RIPOR1: variants seen among roughly 807,000 people sequenced by gnomAD.
The protein encoded by RIPOR1 is rho family-interacting cell polarization regulator 1.
A neutral mutation model predicts 116.5 loss-of-function variants in RIPOR1; 58 were observed. The observed-to-expected ratio is 0.50, with a 90% CI of 0.40 to 0.62. The LOEUF (loss-of-function observed/expected upper bound fraction) is 0.62, where lower values mean the gene tolerates loss of function less well. Ranked by LOEUF, RIPOR1 falls within the 20% of genes least tolerant of loss-of-function variation. RIPOR1 has a pLI of 0.00. For missense variants in RIPOR1, 1,372 were observed against 1,586.2 expected, an observed-to-expected ratio of 0.86 and a Z score of 2.29; for synonymous variants, 605 against 650.0, an observed-to-expected ratio of 0.93 and a Z score of 1.05.
Position 67,544,842 on chromosome 16 carries a change from G to C in RIPOR1, c.2869+12G>C, listed in dbSNP as rs774178599. The stretch of plus-strand genomic sequence containing the variant: ...CTCTGCCCAGGAAGGTAAAGGCCCT[G>C]GGGGTTCGGGCTCTGCCATCTGCCT... On this transcript the variant is annotated intron_variant, in intron 16 of 21. Transcript: ENST00000042381. This position sits in a 1 kb window ranked among gnomAD's most constrained non-coding sequence, Gnocchi z 5.1. 6.3e-7 allele frequency: 1 copy of C among 1,590,052 alleles called. No homozygotes were observed. Among genetic ancestry groups the C allele is most frequent in the Non-Finnish European group, 8.6e-7 (1 of 1,164,100 alleles).
intron 1 of RIPOR1, among the ~76,000 whole-genome samples, chr16:67,518,844 AG>A (rs1363697913): frequency 1.3e-5 from 2 of 152,194 alleles, no homozygotes; most frequent in African/African-American, 4.8e-5. Context: ...AGGGCAGAGA[AG>A]GGGGCTGCAC....
chr16:67,534,772 C>T (rs1050865563), intron 1 of RIPOR1, among the ~76,000 whole-genome samples: 2 of 149,986 alleles, frequency 1.3e-5, no homozygotes, highest in Admixed American at 6.6e-5. Flanking sequence ...ATTCTTTTTG[C>T]TATGTGGTAA....
At position 67,530,465 on chromosome 16, in the gene RIPOR1, C is replaced by T. The variant is rs573518415; in HGVS notation, c.-24+1551C>T. ...CAGTTGCCATGGAGACAAGGACAGG[C>T]TCAGAAGGGACCCCCTTCTCCCTTG... On this transcript the variant is annotated intron_variant, in intron 1 of 21. Coordinates refer to ENST00000042381, the MANE Select transcript of RIPOR1 (RefSeq NM_024519.4). This position sits in a 1 kb window ranked among gnomAD's most constrained non-coding sequence, Gnocchi z 4.5. Among the ~76,000 whole-genome samples the T allele has an allele frequency of 1.3e-5, 2 of 152,174 alleles. No individual in the cohort carries two copies. Among genetic ancestry groups the T allele is most frequent in the African/African-American group, 4.8e-5 (2 of 41,450 alleles).
At position 67,545,505 on chromosome 16, in the gene RIPOR1, A is replaced by G. The variant is rs768100218; in HGVS notation, c.3161A>G (p.Glu1054Gly). 12 of 1,613,898 alleles carry G rather than the reference A, an allele frequency of 7.4e-6. No individual in the cohort carries two copies. Among genetic ancestry groups the G allele is most frequent in the South Asian group, 2.2e-5 (2 of 91,090 alleles). ...GAAACCTTGGACAGCCCCACCATGGAGGCCTACGTGACTGAGACCGCTGAG... is the reference window on the plus strand; with the variant it reads ...GAAACCTTGGACAGCCCCACCATGGGGGCCTACGTGACTGAGACCGCTGAG... ...FVETLDSPTM[E>G]AYVTETAEEV... Residue 1054 changes from glutamate (E) to glycine (G), a missense_variant, in exon 18 of 22, where the codon GAG becomes GGG. Physicochemically the swap from Glu to Gly is moderately conservative, Grantham distance 98. Coordinates refer to ENST00000042381, the MANE Select transcript of RIPOR1 (RefSeq NM_024519.4). This position sits in a 1 kb window ranked among gnomAD's most constrained non-coding sequence, Gnocchi z 4.8.
Position 67,544,705 on chromosome 16 carries a change from C to T in RIPOR1, c.2744C>T (p.Thr915Ile), listed in dbSNP as rs373968604. 12 of 1,613,086 alleles carry T rather than the reference C, an allele frequency of 7.4e-6. No homozygotes were observed. The South Asian group carries it at 1.1e-4, about 15-fold the overall frequency. Residue 915 changes from threonine (T) to isoleucine (I), a missense_variant, in exon 16 of 22, where the codon ACA becomes ATA. Physicochemically the swap from Thr to Ile is moderately conservative, Grantham distance 89. Around this residue, in one of 3 missense-constraint regions of RIPOR1, gnomAD observed 1,005 missense variants for 1,144.7 expected, o/e 0.88. Transcript: ENST00000042381. The surrounding 1 kb of genome is among the most constrained non-coding windows in gnomAD (Gnocchi z 5.1). ...HCSRLLLKLG[T>I]FGPLRCQEAW... is the part of the protein sequence containing the mutation. ...ACCCATGTTCTCCAGAAACTGGGCACATTTGGGCCCCTGCGCTGCCAGGAG... is the reference window on the plus strand; with the variant it reads ...ACCCATGTTCTCCAGAAACTGGGCATATTTGGGCCCCTGCGCTGCCAGGAG...
In RIPOR1 at chr16:67,537,586, C is replaced by A; in HGVS notation, c.-23-838C>A. 1 of 1,422,366 alleles carries A rather than the reference C, an allele frequency of 7.0e-7. No homozygotes were observed. The highest frequency in any genetic ancestry group is 1.4e-5 in the South Asian group (1 of 69,186). The allele number at this position is 1,422,366 out of a possible 1,614,324, so 88.1% of individuals were successfully genotyped here. Reference sequence around the variant, plus strand: ...GGCCGTCCCGGACCCACCATGAACACCAAGAAGAGAGGTAGGACCCAGCTC... The same window carrying A: ...GGCCGTCCCGGACCCACCATGAACAACAAGAAGAGAGGTAGGACCCAGCTC... On this transcript the variant is annotated intron_variant, in intron 1 of 21. Transcript: ENST00000042381. This position sits in a 1 kb window ranked among gnomAD's most constrained non-coding sequence, Gnocchi z 4.6.
At chr16:67,546,093 C>T (rs781416757) in intron 20 of RIPOR1, 48 bp from the exon 21 acceptor site, 1 of 1,609,370 alleles carries the variant, frequency 6.2e-7, no homozygotes, top group African/African-American at 1.3e-5. Flanking sequence ...CCCTGAAACC[C>T]TCCCATCTGC....
Position 67,522,271 on chromosome 16 carries a change from C to T in RIPOR1, c.-24+3658C>T, listed in dbSNP as rs532101002. The stretch of plus-strand genomic sequence containing the variant: ...AGGCTGGAGTGCAGTGGCGCGATCT[C>T]GGCTCACTGAAACCTCCGCCTCCCA... On this transcript the variant is annotated intron_variant, in intron 1 of 1. Transcript: ENST00000562116. Among the ~76,000 whole-genome samples the T allele has an allele frequency of 4.2e-5, 6 of 144,018 alleles. No individual in the cohort carries two copies. In the South Asian group the frequency reaches 1.1e-3, roughly 26 times the overall value. 94.5% of individuals were successfully genotyped at this position (144,018 alleles called of 152,430 possible).
Position 67,536,118 on chromosome 16 carries a change from G to A in RIPOR1, c.-23-2306G>A, listed in dbSNP as rs528342375. On this transcript the variant is annotated intron_variant, in intron 1 of 21. Transcript: ENST00000042381. ...GGTCAAGGGAGGGATGGGCATGGTG[G>A]CATCTATCCAGGCTAGAGGTGGACA... Among the ~76,000 whole-genome samples, 172 of 152,224 alleles carry A rather than the reference G, an allele frequency of 1.1e-3. 1 individual carries two copies. Among genetic ancestry groups the A allele is most frequent in the Non-Finnish European group, 2.0e-3 (133 of 67,994 alleles).
Position 67,544,285 on chromosome 16 carries a change from C to A in RIPOR1, c.2601-14C>A, listed in dbSNP as rs748029336. On this transcript the variant is annotated splice_polypyrimidine_tract_variant and intron_variant, in intron 14 of 21. Coordinates refer to ENST00000042381, the MANE Select transcript of RIPOR1 (RefSeq NM_024519.4). This position sits in a 1 kb window ranked among gnomAD's most constrained non-coding sequence, Gnocchi z 5.1. ...TGTGTGCCTGTGGGGTGGTGGACCC[C>A]ATTTTTCCCTCAGGCCTCCAAGCAG... The A allele has an allele frequency of 1.3e-6, 2 of 1,589,568 alleles. No homozygotes were observed. The highest frequency in any genetic ancestry group is 1.1e-5 in the South Asian group (1 of 90,402).
chr16:67,529,884 C>G lies in RIPOR1; in HGVS notation c.-24+970C>G, dbSNP rs984041218. ...GGTTAGTAGTATTCTCAAGGTCACA[C>G]AGCTGGTTTGGGAGAAGCGAGGATT... On this transcript the variant is annotated intron_variant, in intron 1 of 21. Coordinates refer to ENST00000042381, the MANE Select transcript of RIPOR1 (RefSeq NM_024519.4). This position sits in a 1 kb window ranked among gnomAD's most constrained non-coding sequence, Gnocchi z 4.1. 6.2e-6 allele frequency: 9 copies of G among 1,453,162 alleles called. No homozygotes were observed. In the African/African-American group the frequency reaches 1.1e-4, roughly 18 times the overall value. 90.0% of individuals were successfully genotyped at this position (1,453,162 alleles called of 1,614,324 possible). A position where few individuals can be genotyped will look rare whatever the true frequency, so the allele number is the denominator to read the frequency against.
rs559378713 is a variant in RIPOR1 at position 67,544,399 on chromosome 16, C to T, written c.2701C>T (p.Arg901Trp). 63 of 1,612,496 alleles carry T rather than the reference C, an allele frequency of 3.9e-5. No individual in the cohort carries two copies. The highest frequency in any genetic ancestry group is 2.3e-4 in the Admixed American group (14 of 59,986). The change falls in exon 15 of 22, where the codon CGG becomes TGG. Residue 901 changes from arginine (R) to tryptophan (W), a missense_variant. By Grantham distance (101) the Arg-to-Trp change is moderately radical (BLOSUM62 -3). Around this residue, in one of 3 missense-constraint regions of RIPOR1, gnomAD observed 1,005 missense variants for 1,144.7 expected, o/e 0.88. Coordinates refer to ENST00000042381, the MANE Select transcript of RIPOR1 (RefSeq NM_024519.4). The surrounding 1 kb of genome is among the most constrained non-coding windows in gnomAD (Gnocchi z 5.1). ...GCPALDAALVRHLYHCSRLLL... is the reference protein window; with the variant it reads ...GCPALDAALVWHLYHCSRLLL... ...TCCAGCTCTGGATGCTGCCTTGGTCCGGCACCTGTACCACTGCAGTCGCCT... is the reference window on the plus strand; with the variant it reads ...TCCAGCTCTGGATGCTGCCTTGGTCTGGCACCTGTACCACTGCAGTCGCCT...
upstream of RIPOR1, among the ~76,000 whole-genome samples, chr16:67,525,367 A>T (rs1269854291): frequency 6.6e-6 from 1 of 152,204 alleles, no homozygotes; most frequent in African/African-American, 2.4e-5. Context: ...CACAGCCGAC[A>T]TTCCACAAAT....
chr16:67,534,613 A>G (rs1306394945), intron 1 of RIPOR1, among the ~76,000 whole-genome samples: 1 of 152,154 alleles, frequency 6.6e-6, no homozygotes, highest in Non-Finnish European at 1.5e-5. Flanking sequence ...CTTCAGTCAC[A>G]ACACCTGGAG....
In RIPOR1 at chr16:67,539,899, G is replaced by A; in HGVS notation, c.414G>A (p.Lys138=). Residue 138 remains lysine (K), a splice_region_variant and synonymous_variant, in exon 6 of 22, where the codon AAG becomes AAA. Coordinates refer to ENST00000042381, the MANE Select transcript of RIPOR1 (RefSeq NM_024519.4). ...GACGACTGGAGTTCCATGCCAGCAA[G>A]GTACGAGTGCAGCATGTGTGCAGAG... ...FLRRLEFHAS[K]IDELYEAYCV... is the part of the protein sequence containing the mutation. 1 of 1,614,204 alleles carries A rather than the reference G, an allele frequency of 6.2e-7. No homozygotes were observed. Among genetic ancestry groups the A allele is most frequent in the South Asian group, 1.1e-5 (1 of 91,084 alleles).
At position 67,542,351 on chromosome 16, in the gene RIPOR1, C is replaced by T. The variant is rs1468145300; in HGVS notation, c.1565C>T (p.Ala522Val). ...TCTGTCCCCACATCTACAGACCCTGCCCCATCTGCACACCTAGACTCAGTT... is the reference window on the plus strand; with the variant it reads ...TCTGTCCCCACATCTACAGACCCTGTCCCATCTGCACACCTAGACTCAGTT... Reference protein sequence around the residue: ...TGSVPTSTDPAPSAHLDSVHK... With the variant: ...TGSVPTSTDPVPSAHLDSVHK... Residue 522 changes from alanine to valine, a missense_variant, in exon 13 of 22, where the codon GCC (alanine) becomes GTC (valine). Ala to Val is a moderately conservative substitution (Grantham distance 64). Coordinates refer to ENST00000042381, the MANE Select transcript of RIPOR1 (RefSeq NM_024519.4). The surrounding 1 kb of genome is among the most constrained non-coding windows in gnomAD (Gnocchi z 4.6). 1 of 1,613,752 alleles carries T rather than the reference C, an allele frequency of 6.2e-7. No individual in the cohort carries two copies. The highest frequency in any genetic ancestry group is 8.5e-7 in the Non-Finnish European group (1 of 1,179,956).
chr16:67,529,914 C>T lies in RIPOR1; in HGVS notation c.-24+1000C>T. 1 of 1,221,208 alleles carries T rather than the reference C, an allele frequency of 8.2e-7. No individual in the cohort carries two copies. Among genetic ancestry groups the T allele is most frequent in the East Asian group, 2.5e-5 (1 of 39,450 alleles). 75.6% of individuals were successfully genotyped at this position (1,221,208 alleles called of 1,614,324 possible). Reference sequence around the variant, plus strand: ...GGTTTGGGAGAAGCGAGGATTAGATCTGAGTCCTTGCCCCTGCGACACCCA... The same window carrying T: ...GGTTTGGGAGAAGCGAGGATTAGATTTGAGTCCTTGCCCCTGCGACACCCA... On this transcript the variant is annotated intron_variant, in intron 1 of 21. Transcript: ENST00000042381. The surrounding 1 kb of genome is among the most constrained non-coding windows in gnomAD (Gnocchi z 4.1).
chr16:67,533,401 G>A (rs1193107046), intron 1 of RIPOR1, among the ~76,000 whole-genome samples: 3 of 152,168 alleles, frequency 2.0e-5, no homozygotes, highest in Admixed American at 1.3e-4. Context: ...GCCCAAGGGC[G>A]GGGAGGATAA....
chr16:67,543,396 G>A lies in RIPOR1; in HGVS notation c.2527G>A (p.Val843Met). ...RSRASSLSITVEHALESFSFL... is the reference protein window; with the variant it reads ...RSRASSLSITMEHALESFSFL... Reference sequence around the variant, plus strand: ...CCGGGCCTCCAGTCTCAGCATCACTGTGGAGCATGCCTTGGAGAGCTTCAG... The same window carrying A: ...CCGGGCCTCCAGTCTCAGCATCACTATGGAGCATGCCTTGGAGAGCTTCAG... Residue 843 changes from valine to methionine, a missense_variant, in exon 14 of 22, where the codon GTG (valine) becomes ATG (methionine). Val to Met is a conservative substitution (Grantham distance 21, BLOSUM62 1). Around this residue, in one of 3 missense-constraint regions of RIPOR1, gnomAD observed 1,005 missense variants for 1,144.7 expected, o/e 0.88. Coordinates refer to ENST00000042381, the MANE Select transcript of RIPOR1 (RefSeq NM_024519.4). The surrounding 1 kb of genome is among the most constrained non-coding windows in gnomAD (Gnocchi z 4.7). 6.3e-7 allele frequency: 1 copy of A among 1,592,144 alleles called. No homozygotes were observed. Among genetic ancestry groups the A allele is most frequent in the African/African-American group, 1.3e-5 (1 of 74,730 alleles).
Sources: allele counts gnomAD v4.1 joint callset (sites outside exome capture counted in the v4.1 genomes callset), GRCh38; gene constraint gnomAD v4.1.1; regional missense constraint gnomAD v4.1.1; non-coding constraint Gnocchi (gnomAD v3.1); transcripts MANE v1.5; gene names NCBI Gene and HGNC (gene_info 2026-07-23, HGNC 2026-07-21).